The following THBS4 variants were observed in gnomAD, a reference collection of about 807,000 sequenced individuals.
The protein encoded by THBS4 is thrombospondin-4.
In THBS4, 90 loss-of-function variants were observed where a neutral mutation model predicts 115.7. The ratio of observed to expected loss-of-function variants is 0.78; its 90% confidence interval spans 0.66 to 0.93. THBS4 has a LOEUF of 0.93. THBS4 is among the 40% of genes least tolerant of loss of function. THBS4 has a pLI of 0.00. For missense variants in THBS4, 1,087 were observed against 1,232.7 expected (o/e 0.88, Z 1.77); for synonymous variants, 460 against 479.3 (o/e 0.96, Z 0.53).
chr5:80,062,680 C>T (rs536829965), intron 8 of THBS4, among the ~76,000 whole-genome samples: 30 of 152,190 alleles, frequency 2.0e-4, no homozygotes, highest in African/African-American at 6.3e-4. Flanking sequence ...GCTATCCTTC[C>T]CCCCTCCCCC....
chr5:80,003,888 G>A (rs757346542), intron 2 of THBS4, among the ~76,000 whole-genome samples: 6 of 152,118 alleles, frequency 3.9e-5, no homozygotes, highest in African/African-American at 7.2e-5. Flanking sequence ...CATGTATCCC[G>A]GGTTTTAAAC....
At chr5:80,075,542 T>A (rs899909072) in intron 15 of THBS4, among the ~76,000 whole-genome samples, 1 of 152,202 alleles carries the variant, frequency 6.6e-6, no homozygotes, top group Non-Finnish European at 1.5e-5. Flanking sequence ...CTGCCCTAAA[T>A]GATGTGCGTC....
chr5:80,026,575 G>A (rs1832480677), intron 2 of THBS4, among the ~76,000 whole-genome samples: 1 of 152,202 alleles, frequency 6.6e-6, no homozygotes, highest in Non-Finnish European at 1.5e-5. Flanking sequence ...CTGTGCCATT[G>A]TGCCACAAAA....
chr5:80,041,487 GCTCCTAA>G (rs1385996347), intron 2 of THBS4, among the ~76,000 whole-genome samples: 4 of 152,090 alleles, frequency 2.6e-5, no homozygotes, highest in African/African-American at 9.7e-5. Context: ...AGTAGACCTA[GCTCCTAA>G]CTCCTTAAGC....
intron 20 of THBS4, 34 bp downstream of exon 20, chr5:80,080,111 A>G (rs1257330927): frequency 1.9e-6 from 3 of 1,597,910 alleles, no homozygotes; most frequent in East Asian, 4.5e-5. Context: ...ACCTTGCTCT[A>G]GAAGCAAAGC....
intron 2 of THBS4, among the ~76,000 whole-genome samples, chr5:80,020,745 T>C (rs967063215): frequency 6.6e-6 from 1 of 152,136 alleles, no homozygotes; most frequent in African/African-American, 2.4e-5. Flanking sequence ...CTGATGGCAA[T>C]CTCGGGCACG....
At chr5:80,078,024 C>A in intron 16 of THBS4, 25 bp from the exon 17 acceptor site, 2 of 1,545,654 alleles carry the variant, frequency 1.3e-6, no homozygotes, top group South Asian at 2.5e-5. Context: ...CTATTGAGCT[C>A]CTGTCCTTTC....
chr5:80,033,165 G>T, upstream of THBS4: 2 of 420,640 alleles, frequency 4.8e-6, no homozygotes, highest in South Asian at 4.0e-5. Context: ...CACCTGGCAT[G>T]ATCAACTCTG....
At chr5:80,023,419 A>ACT (rs1432164923) in intron 2 of THBS4, among the ~76,000 whole-genome samples, 1 of 152,058 alleles carries the variant, frequency 6.6e-6, no homozygotes, top group Non-Finnish European at 1.5e-5. Context: ...ATTAAAATTT[A>ACT]CTCTAAGTCC....
chr5:80,041,484 C>T (rs2434311), intron 2 of THBS4, among the ~76,000 whole-genome samples: 36,044 of 152,028 alleles, frequency 0.24, 4,712 homozygotes, highest in African/African-American at 0.35. Context: ...CTCAGTAGAC[C>T]TAGCTCCTAA....
intron 20 of THBS4, chr5:80,082,205 C>T (rs149669201): frequency 6.6e-5 from 38 of 573,106 alleles, no homozygotes; most frequent in Non-Finnish European, 1.1e-4. Context: ...CGGACACACA[C>T]GGTCCCTGCC....
At chr5:80,013,796 G>A (rs1417718776) in intron 2 of THBS4, among the ~76,000 whole-genome samples, 1 of 152,178 alleles carries the variant, frequency 6.6e-6, no homozygotes. Context: ...ACTTTCACAA[G>A]GCTATTGTGA....
chr5:80,040,194 A>AAAGTG lies in THBS4; in HGVS notation c.210_211insGAAGT (p.Ser71GlufsTer23). 6.2e-7 allele frequency: 1 copy of AAAGTG among 1,614,192 alleles called. No individual in the cohort carries two copies. Among genetic ancestry groups the AAAGTG allele is most frequent in the Non-Finnish European group, 8.5e-7 (1 of 1,180,048 alleles). On this transcript the variant is annotated frameshift_variant, in exon 2 of 22. Transcript: ENST00000350881. LOFTEE classifies it high-confidence loss of function. ...ATTTCCACCTTCAAGCTGCAGACTAAAAGTTCAGCCACCATCTTCGGTCTT... is the reference window on the plus strand; with the variant it reads ...ATTTCCACCTTCAAGCTGCAGACTAAAAGTGAAGTTCAGCCACCATCTTCGGTCTT...
At chr5:80,065,584 TATATTTGA>T in intron 9 of THBS4, 107 bp downstream of exon 9, 5 of 599,168 alleles carry the variant, frequency 8.3e-6, no homozygotes, top group Non-Finnish European at 1.1e-5. Context: ...GTGGGCATAA[TATATTTGA>T]TTGGCAGAAT....
chr5:80,006,156 A>C (rs1458318109), intron 2 of THBS4, among the ~76,000 whole-genome samples: 1 of 152,140 alleles, frequency 6.6e-6, no homozygotes, highest in Non-Finnish European at 1.5e-5. Context: ...TTTTACCCTC[A>C]TAGTTATAAA....
At position 80,021,627 on chromosome 5, in the gene THBS4, C is replaced by T. The variant is rs149007580; in HGVS notation, n.178-18450C>T. Among the ~76,000 whole-genome samples the T allele has an allele frequency of 4.1e-3, 631 of 152,176 alleles. 8 individuals are homozygous for T. The highest frequency in any genetic ancestry group is 0.012 in the African/African-American group (517 of 41,520). On this transcript the variant is annotated intron_variant and non_coding_transcript_variant, in intron 2 of 3. Coordinates refer to the THBS4 transcript ENST00000510218. Reference sequence around the variant, plus strand: ...ACTCAAGGGATCTTTGCATCTCAGCCTCTACATGCGCCACTACATCCAGCT... The same window carrying T: ...ACTCAAGGGATCTTTGCATCTCAGCTTCTACATGCGCCACTACATCCAGCT...
intron 2 of THBS4, among the ~76,000 whole-genome samples, chr5:80,054,974 C>T (rs1477458904): frequency 1.3e-5 from 2 of 152,262 alleles, no homozygotes; most frequent in South Asian, 4.1e-4. Context: ...TTATCTGAGA[C>T]TCACTTTCCT....
chr5:80,082,344 A>C, intron 20 of THBS4, 62 bp from the exon 21 acceptor site: 1 of 1,598,596 alleles, frequency 6.3e-7, no homozygotes, highest in Non-Finnish European at 8.5e-7. Context: ...CCTGGGCCTC[A>C]CAGTGGGCAC....
intron 20 of THBS4, 145 bp from the exon 21 acceptor site, chr5:80,082,261 C>T: frequency 2.8e-6 from 3 of 1,089,170 alleles, no homozygotes; most frequent in Non-Finnish European, 4.0e-6. Context: ...AGCTACAGTA[C>T]AATCCAGGTC....
Sources: gnomAD v4.1 joint callset for allele counts (sites outside exome capture counted in the v4.1 genomes callset) on GRCh38, gnomAD v4.1.1 for gene constraint, MANE v1.5 for transcripts, NCBI Gene and HGNC (gene_info 2026-07-23, HGNC 2026-07-21) for gene names.